FNDC3A: variants seen among roughly 807,000 people sequenced by gnomAD.
The protein encoded by FNDC3A is fibronectin type-III domain-containing protein 3A.
Under a neutral mutation model 148.9 loss-of-function variants are expected in FNDC3A, and 32 were observed. The observed-to-expected ratio is 0.21, with a 90% CI of 0.16 to 0.29. The LOEUF is 0.29. Ranked by LOEUF, FNDC3A falls within the 10% of genes least tolerant of loss-of-function variation. The pLI is 1.00. For synonymous variants in FNDC3A, 472 were observed against 473.6 expected, an observed-to-expected ratio of 1.00 and a Z score of 0.04; for missense variants, 1,191 against 1,452.8, an observed-to-expected ratio of 0.82 and a Z score of 2.93.
chr13:49,104,757 T>C (rs1400354735), intron 3 of FNDC3A, among the ~76,000 whole-genome samples: 1 of 152,150 alleles, frequency 6.6e-6, no homozygotes, highest in African/African-American at 2.4e-5. Context: ...TCCATTTGGA[T>C]TAAAATGGAA....
intron 4 of FNDC3A, among the ~76,000 whole-genome samples, chr13:49,127,795 A>T (rs925580945): frequency 6.6e-6 from 1 of 152,112 alleles, no homozygotes; most frequent in Non-Finnish European, 1.5e-5. Flanking sequence ...AGCCTTCCTC[A>T]TCACATTGAT....
intron 2 of FNDC3A, among the ~76,000 whole-genome samples, chr13:49,014,000 T>G (rs1593470747): frequency 6.7e-6 from 1 of 148,190 alleles, no homozygotes; most frequent in African/African-American, 2.5e-5. Flanking sequence ...TCTATCATTG[T>G]TGGACATTTG....
At chr13:48,984,904 G>A (rs962005124) in intron 1 of FNDC3A, among the ~76,000 whole-genome samples, 1 of 151,980 alleles carries the variant, frequency 6.6e-6, no homozygotes, top group African/African-American at 2.4e-5. Flanking sequence ...AGATGGTCTC[G>A]ATCTCTTGAG....
intron 1 of FNDC3A, among the ~76,000 whole-genome samples, chr13:48,984,471 A>G (rs1386090401): frequency 6.6e-6 from 1 of 152,202 alleles, no homozygotes; most frequent in Non-Finnish European, 1.5e-5. Context: ...GAATAGGCAT[A>G]TTGATCAAAG....
At chr13:49,010,543 A>G (rs1247779841) in intron 2 of FNDC3A, among the ~76,000 whole-genome samples, 1 of 152,216 alleles carries the variant, frequency 6.6e-6, no homozygotes, top group East Asian at 1.9e-4. Flanking sequence ...ACAAATAAAG[A>G]ATCTAAGAAA....
At chr13:49,023,528 C>T (rs2407266) in intron 2 of FNDC3A, among the ~76,000 whole-genome samples, 47,652 of 151,294 alleles carry the variant, frequency 0.31, 7,591 homozygotes, top group South Asian at 0.48. Context: ...AGAAATGAAA[C>T]ATAATGGTCC....
chr13:49,018,235 A>G (rs1260722910), intron 2 of FNDC3A, among the ~76,000 whole-genome samples: 2 of 152,282 alleles, frequency 1.3e-5, no homozygotes, highest in Admixed American at 1.3e-4. Context: ...ACTTTCAGGT[A>G]CACCAATCAG....
chr13:49,028,724 G>C (rs1007692632), intron 2 of FNDC3A, among the ~76,000 whole-genome samples: 5 of 152,194 alleles, frequency 3.3e-5, no homozygotes, highest in Non-Finnish European at 7.4e-5. Flanking sequence ...TAACCATCAA[G>C]CTGCCAAATA....
rs767609938 is a variant in FNDC3A, at chr13:49,201,977, C to T, written c.3154+11C>T. ...CAGCTGCCTTGAAAGGTAAGTTATA[C>T]ATCCTGAACTTATTTTCTTTATAAT... is the stretch of plus-strand genomic sequence containing the variant. On this transcript the variant is annotated intron_variant, in intron 24 of 25. Transcript: ENST00000492622. 1 of 1,471,476 alleles carries T rather than the reference C, an allele frequency of 6.8e-7. No individual in the cohort carries two copies. The highest frequency in any genetic ancestry group is 9.1e-7 in the Non-Finnish European group (1 of 1,103,080). 91.2% of individuals were successfully genotyped at this position (1,471,476 alleles called of 1,614,324 possible). A position where few individuals can be genotyped will look rare whatever the true frequency, so the allele number is the denominator to read the frequency against.
intron 1 of FNDC3A, among the ~76,000 whole-genome samples, chr13:48,981,493 T>A (rs1397600919): frequency 1.3e-5 from 2 of 151,962 alleles, no homozygotes; most frequent in South Asian, 4.2e-4. Flanking sequence ...TTTTTTTTTT[T>A]AAGACCAGAG....
intron 2 of FNDC3A, among the ~76,000 whole-genome samples, chr13:49,021,797 T>G (rs1297549637): frequency 6.6e-6 from 1 of 152,188 alleles, no homozygotes; most frequent in Admixed American, 6.5e-5. Flanking sequence ...AATGATATCT[T>G]CCAAAATGGA....
intron 2 of FNDC3A, among the ~76,000 whole-genome samples, chr13:49,030,377 TA>T (rs1278393276): frequency 6.6e-6 from 1 of 152,058 alleles, no homozygotes; most frequent in African/African-American, 2.4e-5. Context: ...CTCAACCTCA[TA>T]AAAGGCATCT....
At chr13:49,134,866 T>G (rs1882258260) in intron 5 of FNDC3A, among the ~76,000 whole-genome samples, 1 of 135,980 alleles carries the variant, frequency 7.4e-6, no homozygotes, top group Non-Finnish European at 1.6e-5. Flanking sequence ...TTTTTTTTTT[T>G]GAGACAGAGT....
At chr13:49,115,850 C>A (rs543032546) in intron 4 of FNDC3A, among the ~76,000 whole-genome samples, 10 of 152,346 alleles carry the variant, frequency 6.6e-5, no homozygotes, top group African/African-American at 2.4e-4. Context: ...AATCCAAAGT[C>A]CTGCTTTCCA....
At chr13:49,034,250 A>G (rs926467770) in intron 2 of FNDC3A, among the ~76,000 whole-genome samples, 3 of 152,062 alleles carry the variant, frequency 2.0e-5, no homozygotes, top group Non-Finnish European at 4.4e-5. Context: ...TGTATTATGA[A>G]GAAAGCTATT....
chr13:49,172,943 A>G (rs1884839315), intron 11 of FNDC3A, among the ~76,000 whole-genome samples: 2 of 152,232 alleles, frequency 1.3e-5, no homozygotes, highest in African/African-American at 4.8e-5. Context: ...TGTTTTTGCC[A>G]TTAAAAGTAA....
intron 2 of FNDC3A, among the ~76,000 whole-genome samples, chr13:49,027,753 T>C (rs904880847): frequency 6.6e-6 from 1 of 151,892 alleles, no homozygotes; most frequent in Non-Finnish European, 1.5e-5. Context: ...TCAGAACATA[T>C]TTAACATAAA....
intron 1 of FNDC3A, among the ~76,000 whole-genome samples, chr13:49,000,481 G>A (rs762959575): frequency 2.6e-5 from 4 of 152,100 alleles, no homozygotes; most frequent in Non-Finnish European, 5.9e-5. Context: ...GATTCCTGTG[G>A]CTTTGTAATA....
chr13:49,110,497 A>T, intron 3 of FNDC3A: 1 of 882,016 alleles, frequency 1.1e-6, no homozygotes. Context: ...TTTTAAAAAT[A>T]GATGCTAAAT....
Sources: allele counts gnomAD v4.1 joint callset (sites outside exome capture counted in the v4.1 genomes callset), GRCh38; gene constraint gnomAD v4.1.1; transcripts MANE v1.5; gene names NCBI Gene and HGNC (gene_info 2026-07-23, HGNC 2026-07-21).